Variants in FBN1 observed in about 807,000 individuals in gnomAD.
The protein encoded by FBN1 is fibrillin 1.
FBN1 carries 29 observed loss-of-function variants against 365.1 expected under a neutral mutation model. The ratio of observed to expected loss-of-function variants is 0.08; its 90% CI spans 0.06 to 0.11. FBN1 has a LOEUF of 0.11. Among genes scored for constraint, FBN1 ranks in the 10% least tolerant of loss-of-function variants. The pLI, the probability that FBN1 is intolerant of heterozygous loss-of-function variation, is 1.00. For missense variants in FBN1, 2,476 were observed against 3,703.2 expected (o/e 0.67, Z 8.60); for synonymous variants, 1,210 against 1,270.5 (o/e 0.95, Z 1.01).
chr15:48,526,469 T>G (rs2043916240), intron 8 of FBN1, among the ~76,000 whole-genome samples: 1 of 152,160 alleles, frequency 6.6e-6, no homozygotes, highest in Non-Finnish European at 1.5e-5. Flanking sequence ...TTCAACAGAT[T>G]AGGGCAAAAT....
At chr15:48,526,300 T>A (rs757815071) in intron 8 of FBN1, 45 bp from the exon 9 acceptor site, 1 of 1,607,980 alleles carries the variant, frequency 6.2e-7, no homozygotes, top group South Asian at 1.1e-5. Context: ...GAACACAATA[T>A]AAAACCATTC....
At chr15:48,444,857 C>A (rs1011422010) in intron 48 of FBN1, among the ~76,000 whole-genome samples, 197 bp from the exon 49 acceptor site, 1 of 151,662 alleles carries the variant, frequency 6.6e-6, no homozygotes, top group African/African-American at 2.4e-5. Flanking sequence ...GCATAACAAC[C>A]ATATTTTATT....
chr15:48,621,753 C>T (rs1889770863), intron 2 of FBN1, among the ~76,000 whole-genome samples: 1 of 151,960 alleles, frequency 6.6e-6, no homozygotes, highest in Non-Finnish European at 1.5e-5. Context: ...CTTTCGGAGG[C>T]TGAGGCAGGC....
At chr15:48,639,951 G>A (rs1890169640) in intron 2 of FBN1, among the ~76,000 whole-genome samples, 1 of 152,120 alleles carries the variant, frequency 6.6e-6, no homozygotes, top group East Asian at 1.9e-4. Context: ...GGAAGAAAAA[G>A]CCAACAAACT....
chr15:48,521,157 C>T (rs920546116), intron 9 of FBN1, among the ~76,000 whole-genome samples: 1 of 152,230 alleles, frequency 6.6e-6, no homozygotes, highest in Non-Finnish European at 1.5e-5. Context: ...AAAGACATGT[C>T]TCTATGCTGA....
At chr15:48,554,734 G>T (rs895407465) in intron 6 of FBN1, among the ~76,000 whole-genome samples, 1 of 152,126 alleles carries the variant, frequency 6.6e-6, no homozygotes, top group Non-Finnish European at 1.5e-5. Flanking sequence ...AATAGAAAAG[G>T]TAAGCTACAT....
chr15:48,641,944 A>G (rs1442172497), intron 2 of FBN1: 1 of 152,196 alleles, frequency 6.6e-6, no homozygotes, highest in African/African-American at 2.4e-5. Flanking sequence ...TGATCCAGCA[A>G]TTCTATTTTT....
intron 2 of FBN1, among the ~76,000 whole-genome samples, chr15:48,624,856 C>T (rs1451502424): frequency 2.6e-5 from 4 of 152,200 alleles, no homozygotes; most frequent in Non-Finnish European, 4.4e-5. Flanking sequence ...CGGCCAGAGG[C>T]GGAGCCGGGG....
intron 17 of FBN1, among the ~76,000 whole-genome samples, chr15:48,503,314 AGAAG>A (rs1436387940): frequency 1.5e-5 from 2 of 136,540 alleles, no homozygotes; most frequent in African/African-American, 6.1e-5. Context: ...AAAAAAAAAA[AGAAG>A]AAGAAGAAGA....
At chr15:48,534,705 C>T (rs1393876458) in intron 7 of FBN1, among the ~76,000 whole-genome samples, 1 of 152,218 alleles carries the variant, frequency 6.6e-6, no homozygotes, top group African/African-American at 2.4e-5. Flanking sequence ...CTACACGAGA[C>T]AGCTAATGTT....
chr15:48,422,482 A>G (rs113275779), intron 60 of FBN1, among the ~76,000 whole-genome samples: 26 of 152,358 alleles, frequency 1.7e-4, no homozygotes, highest in African/African-American at 5.1e-4. Flanking sequence ...TTGAAGCTGG[A>G]AATGAATTTG....
intron 6 of FBN1, among the ~76,000 whole-genome samples, chr15:48,555,948 A>G (rs962194464): frequency 1.3e-5 from 2 of 152,176 alleles, no homozygotes; most frequent in African/African-American, 4.8e-5. Flanking sequence ...GAAACTTTCC[A>G]CTAGCTCTAT....
intron 33 of FBN1, 48 bp downstream of exon 33, chr15:48,474,480 T>C: frequency 1.9e-6 from 3 of 1,613,902 alleles, no homozygotes; most frequent in Non-Finnish European, 2.5e-6. Context: ...TTCATATGTG[T>C]AATCTATGCA....
chr15:48,603,878 A>G (rs559410127), intron 4 of FBN1, among the ~76,000 whole-genome samples: 2 of 152,352 alleles, frequency 1.3e-5, no homozygotes, highest in Admixed American at 6.5e-5. Flanking sequence ...ACAGCCGTAA[A>G]GGGTTTCATG....
At chr15:48,524,391 C>T (rs1339723048) in intron 9 of FBN1, among the ~76,000 whole-genome samples, 1 of 152,190 alleles carries the variant, frequency 6.6e-6, no homozygotes, top group Non-Finnish European at 1.5e-5. Context: ...TTCCAAACAA[C>T]TGTCTTACGA....
intron 6 of FBN1, among the ~76,000 whole-genome samples, chr15:48,547,543 A>G (rs2044103440): frequency 6.6e-6 from 1 of 152,210 alleles, no homozygotes; most frequent in African/African-American, 2.4e-5. Context: ...ATTATTAACC[A>G]CAGCTGAGAA....
rs886051248 is a variant in FBN1 at position 48,456,654 on chromosome 15, T to C, written c.5405A>G (p.Lys1802Arg). Residue 1802 changes from lysine to arginine, a missense_variant, in exon 44 of 66, where the codon AAG (lysine) becomes AGG (arginine). This residue lies in a region of FBN1 where 1,780 missense variants were observed against 2,840.8 expected (regional missense o/e 0.63). Coordinates refer to ENST00000316623, the MANE Select transcript of FBN1 (RefSeq NM_000138.5). Reference protein sequence around the residue: ...ECPVGFFYNDKLLVCEDIDEC... With the variant: ...ECPVGFFYNDRLLVCEDIDEC... ...CCACTTACCTTCACAAACCAACAAC[T>C]TGTCATTATAGAAGAATCCCACTGG... 5 of 1,613,918 alleles carry C rather than the reference T, an allele frequency of 3.1e-6. No individual in the cohort carries two copies. The highest frequency in any genetic ancestry group is 2.2e-5 in the East Asian group (1 of 44,886).
chr15:48,477,593 A>G (rs146539374), intron 32 of FBN1, among the ~76,000 whole-genome samples: 1 of 152,346 alleles, frequency 6.6e-6, no homozygotes, highest in East Asian at 1.9e-4. Context: ...GTAATTCATC[A>G]TAAAAGCAAA....
At chr15:48,595,563 G>C (rs1479699413) in intron 6 of FBN1, among the ~76,000 whole-genome samples, 1 of 152,154 alleles carries the variant, frequency 6.6e-6, no homozygotes, top group Non-Finnish European at 1.5e-5. Context: ...TTTTTAGGTA[G>C]GCAAATCAGG....
Sources: gnomAD v4.1 joint callset for allele counts (sites outside exome capture counted in the v4.1 genomes callset) on GRCh38, gnomAD v4.1.1 for gene constraint, gnomAD v4.1.1 regional missense constraint, MANE v1.5 for transcripts, NCBI Gene and HGNC (gene_info 2026-07-23, HGNC 2026-07-21) for gene names.